ADK: variants seen among roughly 807,000 people sequenced by gnomAD.
ADK encodes adenosine kinase, also known as N6,N6-dimethyladenosine kinase.
ADK carries 24 observed loss-of-function variants against 44.7 expected under a neutral mutation model. The ratio of observed to expected loss-of-function variants is 0.54; its 90% CI spans 0.39 to 0.76. The LOEUF (loss-of-function observed/expected upper bound fraction) is 0.76. ADK is among the 30% of genes least tolerant of loss of function. The probability of loss-of-function intolerance (pLI) is 0.00; values close to 1 mark genes in which losing one functional copy is unlikely to be tolerated. For missense variants in ADK, 321 were observed against 425.1 expected (o/e 0.76, Z 2.15); for synonymous variants, 128 against 142.6 (o/e 0.90, Z 0.73).
rs115117278 is a variant in ADK, at chr10:74,548,596, A to G, written c.726+23170A>G. Among the ~76,000 whole-genome samples, 329 of 152,332 alleles carry G rather than the reference A, an allele frequency of 2.2e-3. 1 individual carries two copies. Among genetic ancestry groups the G allele is most frequent in the African/African-American group, 7.3e-3 (304 of 41,582 alleles). ...TGGCAACCCTACCAGTGGTTTGAGT[A>G]TTCGGGAAGACTTCATGGTAGAGAT... is the stretch of plus-strand genomic sequence containing the variant. On this transcript the variant is annotated intron_variant, in intron 7 of 10. Coordinates refer to ENST00000539909, the MANE Select transcript of ADK (RefSeq NM_006721.4).
intron 5 of ADK, among the ~76,000 whole-genome samples, chr10:74,396,660 T>G: frequency 6.6e-6 from 1 of 152,108 alleles, no homozygotes; most frequent in East Asian, 1.9e-4. Context: ...ATAAGAATAC[T>G]CATATTTTTC....
intron 6 of ADK, among the ~76,000 whole-genome samples, chr10:74,407,709 C>T (rs577201574): frequency 6.6e-6 from 1 of 152,304 alleles, no homozygotes; most frequent in East Asian, 1.9e-4. Flanking sequence ...AACTACTTGA[C>T]TCTATTTAGG....
chr10:74,704,736 C>T (rs1455668071), intron 10 of ADK, among the ~76,000 whole-genome samples: 1 of 152,166 alleles, frequency 6.6e-6, no homozygotes, highest in Non-Finnish European at 1.5e-5. Context: ...TTCTTTTTCT[C>T]ACAATGATCA....
chr10:74,652,581 T>C (rs1854312506), intron 9 of ADK, among the ~76,000 whole-genome samples: 1 of 151,392 alleles, frequency 6.6e-6, no homozygotes. Flanking sequence ...GCCAACATGG[T>C]GAAACTCCGT....
intron 10 of ADK, among the ~76,000 whole-genome samples, chr10:74,707,501 G>A (rs1297123706): frequency 2.6e-5 from 4 of 151,962 alleles, no homozygotes; most frequent in African/African-American, 9.7e-5. Flanking sequence ...GGTGGCTCAC[G>A]CCTGTAATCC....
At position 74,312,914 on chromosome 10, in the gene ADK, C is replaced by CAAAAAAAAAA. The variant is rs56052959; in HGVS notation, c.195-1736_195-1727dup. ...GGATGAAAAAGGAAGATTCTGTCTC[C>CAAAAAAAAAA]AAAAAAAAAAAAAAAAAAAAAAAAA... On this transcript the variant is annotated intron_variant, in intron 3 of 10. Coordinates refer to ENST00000539909, the MANE Select transcript of ADK (RefSeq NM_006721.4). Among the ~76,000 whole-genome samples, 247 of 37,800 alleles carry CAAAAAAAAAA rather than the reference C, an allele frequency of 6.5e-3. 56 individuals are homozygous for CAAAAAAAAAA. The highest frequency in any genetic ancestry group is 8.1e-3 in the Non-Finnish European group (177 of 21,744). 24.8% of individuals were successfully genotyped at this position (37,800 alleles called of 152,430 possible). A position where few individuals can be genotyped will look rare whatever the true frequency, so the allele number is the denominator to read the frequency against.
At chr10:74,561,771 G>A (rs1191515024) in intron 7 of ADK, among the ~76,000 whole-genome samples, 3 of 152,168 alleles carry the variant, frequency 2.0e-5, no homozygotes, top group Non-Finnish European at 2.9e-5. Flanking sequence ...CTGGCTAAGC[G>A]AGTCCAAAGC....
intron 6 of ADK, among the ~76,000 whole-genome samples, chr10:74,408,670 A>G (rs1233917891): frequency 6.6e-6 from 1 of 152,230 alleles, no homozygotes; most frequent in African/African-American, 2.4e-5. Context: ...TAAATAGTTG[A>G]TTAACACGTA....
chr10:74,537,043 T>C (rs190200733), intron 7 of ADK, among the ~76,000 whole-genome samples: 8 of 152,172 alleles, frequency 5.3e-5, no homozygotes, highest in Admixed American at 5.2e-4. Context: ...CCACAACAGG[T>C]ACACCATTTT....
intron 8 of ADK, among the ~76,000 whole-genome samples, chr10:74,596,593 T>C (rs989355853): frequency 6.6e-6 from 1 of 152,004 alleles, no homozygotes; most frequent in Non-Finnish European, 1.5e-5. Flanking sequence ...TTGCCCACGC[T>C]GGAGTGCAGT....
intron 6 of ADK, among the ~76,000 whole-genome samples, chr10:74,499,642 C>T (rs944954406): frequency 4.0e-5 from 6 of 151,724 alleles, no homozygotes; most frequent in East Asian, 1.9e-4. Flanking sequence ...GAGCAGAGAT[C>T]GCGCCACTGC....
At chr10:74,456,220 A>C (rs768682633) in intron 6 of ADK, among the ~76,000 whole-genome samples, 14 of 152,110 alleles carry the variant, frequency 9.2e-5, no homozygotes, top group African/African-American at 3.4e-4. Context: ...CTCCACCCCA[A>C]ATCAACAGAA....
chr10:74,431,218 A>G (rs1262959433), intron 6 of ADK, among the ~76,000 whole-genome samples: 1 of 152,104 alleles, frequency 6.6e-6, no homozygotes, highest in African/African-American at 2.4e-5. Context: ...ACAGTTGGAT[A>G]TGAGAAAAGG....
At chr10:74,655,109 T>A in intron 9 of ADK, 1 of 279,254 alleles carries the variant, frequency 3.6e-6, no homozygotes, top group Admixed American at 3.9e-5. Flanking sequence ...CCCTGGGGGT[T>A]GAGGTTGGGG....
At chr10:74,217,183 G>A (rs1235726035) in intron 2 of ADK, among the ~76,000 whole-genome samples, 2 of 152,252 alleles carry the variant, frequency 1.3e-5, no homozygotes, top group Admixed American at 6.5e-5. Flanking sequence ...GCACTTTTCC[G>A]ACGGGCTTAA....
intron 3 of ADK, among the ~76,000 whole-genome samples, chr10:74,289,146 A>G (rs759060138): frequency 6.6e-6 from 1 of 152,262 alleles, no homozygotes; most frequent in African/African-American, 2.4e-5. Context: ...TTTAAAAACT[A>G]TATCAACAAA....
chr10:74,186,219 TCCCTTCCCCTCCTTTCCCTTC>T lies in ADK; in HGVS notation c.66-14537_66-14517del, dbSNP rs1480797219. On this transcript the variant is annotated intron_variant, in intron 1 of 10. Transcript: ENST00000539909. ...TCCCTTCCCTTCCCTTCCCTTCCTT[TCCCTTCCCCTCCTTTCCCTTC>T]CCCTTCCGCCTTTCCCCTTTCCCTT... is the stretch of plus-strand genomic sequence containing the variant. Among the ~76,000 whole-genome samples, 7 of 42,388 alleles carry T rather than the reference TCCCTTCCCCTCCTTTCCCTTC, an allele frequency of 1.7e-4. No homozygotes were observed. In the South Asian group the frequency reaches 2.4e-3, roughly 14 times the overall value. 27.8% of individuals were successfully genotyped at this position (42,388 alleles called of 152,430 possible). A position where few individuals can be genotyped will look rare whatever the true frequency, so the allele number is the denominator to read the frequency against.
chr10:74,156,084 G>A (rs1233777280), intron 1 of ADK, among the ~76,000 whole-genome samples: 1 of 152,142 alleles, frequency 6.6e-6, no homozygotes, highest in Non-Finnish European at 1.5e-5. Context: ...CTAGTGCAGC[G>A]TGAGGGTGGT....
intron 4 of ADK, among the ~76,000 whole-genome samples, chr10:74,337,858 G>C (rs1470779597): frequency 6.6e-6 from 1 of 151,630 alleles, no homozygotes; most frequent in African/African-American, 2.4e-5. Flanking sequence ...CGCCTCCCGG[G>C]TTCAAGTGAT....
Sources: gnomAD v4.1 joint callset for allele counts (sites outside exome capture counted in the v4.1 genomes callset) on GRCh38, gnomAD v4.1.1 for gene constraint, MANE v1.5 for transcripts, NCBI Gene and HGNC (gene_info 2026-07-23, HGNC 2026-07-21) for gene names.